The following IQCJ variants were observed in gnomAD, a reference collection of about 807,000 sequenced individuals.
IQCJ encodes the protein IQ domain-containing protein J.
A neutral mutation model predicts 11.0 loss-of-function variants in IQCJ; 9 were observed. The ratio of observed to expected loss-of-function variants is 0.82; its 90% confidence interval spans 0.49 to 1.43. IQCJ has a LOEUF of 1.43. Among genes scored for constraint, IQCJ ranks in the 40% most tolerant of loss-of-function variants. The probability of loss-of-function intolerance (pLI) is 0.00; values close to 1 mark genes in which losing one functional copy is unlikely to be tolerated. For missense variants in IQCJ, 146 were observed against 133.2 expected, an observed-to-expected ratio of 1.10 and a Z score of -0.47; for synonymous variants, 55 against 51.3, an observed-to-expected ratio of 1.07 and a Z score of -0.31.
intron 1 of IQCJ, among the ~76,000 whole-genome samples, chr3:159,188,181 C>T (rs1045426580): frequency 1.3e-5 from 2 of 152,074 alleles, no homozygotes; most frequent in African/African-American, 2.4e-5. Flanking sequence ...GAGGTCGAGG[C>T]GGGTGGATCA....
At position 159,132,834 on chromosome 3, in the gene IQCJ, A is replaced by G. The variant is rs184846536; in HGVS notation, c.9+63393A>G. On this transcript the variant is annotated intron_variant, in intron 1 of 3. Transcript: ENST00000397832. Reference sequence around the variant, plus strand: ...CATTGACTGTTTTGGAAAGAAAAGCAAAAACGTGAGAATACTGATCTACAT... The same window carrying G: ...CATTGACTGTTTTGGAAAGAAAAGCGAAAACGTGAGAATACTGATCTACAT... Among the ~76,000 whole-genome samples the G allele has an allele frequency of 3.3e-5, 5 of 152,320 alleles. No individual in the cohort carries two copies. The East Asian group carries it at 9.6e-4, about 29-fold the overall frequency.
intron 1 of IQCJ, among the ~76,000 whole-genome samples, chr3:159,088,309 T>A (rs1202876845): frequency 1.3e-5 from 2 of 152,286 alleles, no homozygotes; most frequent in South Asian, 4.1e-4. Context: ...TCTGTTCTTT[T>A]ACATTTGCTG....
intron 1 of IQCJ, among the ~76,000 whole-genome samples, chr3:159,216,900 G>A (rs1035215648): frequency 1.3e-5 from 2 of 152,162 alleles, no homozygotes; most frequent in East Asian, 3.9e-4. Flanking sequence ...AATCCAAACT[G>A]CAAAATCAAT....
chr3:159,120,278 A>G (rs1282963414), intron 1 of IQCJ, among the ~76,000 whole-genome samples: 6 of 152,136 alleles, frequency 3.9e-5, no homozygotes, highest in African/African-American at 1.4e-4. Flanking sequence ...CATACTAAAC[A>G]TTTCTTCTTG....
chr3:159,259,320 C>T (rs895618690), intron 3 of IQCJ, among the ~76,000 whole-genome samples: 12 of 152,168 alleles, frequency 7.9e-5, no homozygotes, highest in Admixed American at 3.3e-4. Flanking sequence ...TAAACCCTTA[C>T]ACTTTATTTA....
chr3:159,087,897 G>GT (rs1272249120), intron 1 of IQCJ, among the ~76,000 whole-genome samples: 4 of 148,166 alleles, frequency 2.7e-5, no homozygotes, highest in African/African-American at 5.0e-5. Flanking sequence ...TTTTTGAAGG[G>GT]TTTTTTGTGT....
intron 1 of IQCJ, among the ~76,000 whole-genome samples, chr3:159,086,232 T>A (rs976559187): frequency 6.6e-6 from 1 of 152,184 alleles, no homozygotes; most frequent in Non-Finnish European, 1.5e-5. Flanking sequence ...GTTGTAGATA[T>A]GTGTCGTTAT....
intron 1 of IQCJ, among the ~76,000 whole-genome samples, chr3:159,226,158 A>G (rs1351679895): frequency 6.6e-6 from 1 of 152,118 alleles, no homozygotes; most frequent in Non-Finnish European, 1.5e-5. Context: ...TCTAGGCAGG[A>G]TGGATTAAGT....
intron 1 of IQCJ, among the ~76,000 whole-genome samples, chr3:159,230,194 A>G (rs1348620635): frequency 6.6e-6 from 1 of 151,960 alleles, no homozygotes; most frequent in Non-Finnish European, 1.5e-5. Context: ...CCTCAACTCC[A>G]TCTAGGTTTC....
chr3:159,119,300 TG>T (rs1292391701), intron 1 of IQCJ, among the ~76,000 whole-genome samples: 1 of 152,212 alleles, frequency 6.6e-6, no homozygotes, highest in Non-Finnish European at 1.5e-5. Context: ...ACATTTTAGT[TG>T]GGTGCTGAGG....
chr3:159,166,213 A>C lies in IQCJ; in HGVS notation c.10-79630A>C, dbSNP rs147752871. Among the ~76,000 whole-genome samples, 483 of 152,244 alleles carry C rather than the reference A, an allele frequency of 3.2e-3. 1 individual carries two copies. The highest frequency in any genetic ancestry group is 0.011 in the African/African-American group (457 of 41,546). ...CATGTGATAAATTAGATAACTCTTC[A>C]TCCAACTTTGAGCAAACTTATATAA... On this transcript the variant is annotated intron_variant, in intron 1 of 3. Coordinates refer to ENST00000397832, the MANE Select transcript of IQCJ (RefSeq NM_001042706.3).
intron 3 of IQCJ, among the ~76,000 whole-genome samples, chr3:159,257,434 C>T (rs1230507262): frequency 1.3e-5 from 2 of 152,174 alleles, no homozygotes; most frequent in East Asian, 1.9e-4. Flanking sequence ...ACATTCTTGA[C>T]AGTCTGCAAA....
intron 1 of IQCJ, among the ~76,000 whole-genome samples, chr3:159,237,049 GAAGTA>G (rs1386723026): frequency 1.3e-5 from 2 of 152,218 alleles, no homozygotes; most frequent in Non-Finnish European, 2.9e-5. Flanking sequence ...GCTACACAGT[GAAGTA>G]AATTGCAGAT....
intron 1 of IQCJ, among the ~76,000 whole-genome samples, chr3:159,155,289 C>G (rs1426703310): frequency 6.6e-6 from 1 of 152,050 alleles, no homozygotes; most frequent in Non-Finnish European, 1.5e-5. Flanking sequence ...TCCTGAGTAG[C>G]TGGGACTACA....
At chr3:159,069,995 T>A in intron 1 of IQCJ, 1 of 244,436 alleles carries the variant, frequency 4.1e-6, no homozygotes, top group Non-Finnish European at 8.4e-6. Context: ...TAAAACTCAG[T>A]AAGCACTGAG....
chr3:159,179,023 A>G (rs7624445), intron 1 of IQCJ, among the ~76,000 whole-genome samples: 7,311 of 152,222 alleles, frequency 0.048, 582 homozygotes, highest in African/African-American at 0.17. Context: ...GAATAAACCT[A>G]CATGTTATCT....
intron 3 of IQCJ, among the ~76,000 whole-genome samples, chr3:159,257,633 G>T (rs1727971006): frequency 6.6e-6 from 1 of 152,150 alleles, no homozygotes; most frequent in Non-Finnish European, 1.5e-5. Context: ...TGCATGCAGT[G>T]GCCCCGTATT....
At chr3:159,069,834 C>T in intron 1 of IQCJ, 2 of 439,282 alleles carry the variant, frequency 4.6e-6, no homozygotes, top group South Asian at 1.6e-5. Flanking sequence ...TTTAAAAAGC[C>T]CTCCTTTCTT....
chr3:159,148,067 T>C (rs964467668), intron 1 of IQCJ, among the ~76,000 whole-genome samples: 1 of 152,246 alleles, frequency 6.6e-6, no homozygotes, highest in African/African-American at 2.4e-5. Context: ...GCTACACATT[T>C]TAGTATGTCC....
Sources: gnomAD v4.1 joint callset for allele counts (sites outside exome capture counted in the v4.1 genomes callset) on GRCh38, gnomAD v4.1.1 for gene constraint, MANE v1.5 for transcripts, NCBI Gene and HGNC (gene_info 2026-07-23, HGNC 2026-07-21) for gene names.